PNPLA8: variants seen among roughly 807,000 people sequenced by gnomAD.
The protein encoded by PNPLA8 is calcium-independent phospholipase A2-gamma.
A neutral mutation model predicts 76.9 loss-of-function variants in PNPLA8; 39 were observed. The ratio of observed to expected loss-of-function variants is 0.51; its 90% confidence interval spans 0.39 to 0.66. PNPLA8 has a LOEUF of 0.66. Ranked by LOEUF, PNPLA8 falls within the 30% of genes least tolerant of loss-of-function variation. The pLI, the probability that PNPLA8 is intolerant of heterozygous loss-of-function variation, is 0.00. For missense variants in PNPLA8, 887 were observed against 918.0 expected (o/e 0.97, Z 0.44); for synonymous variants, 301 against 307.9 (o/e 0.98, Z 0.24).
At chr7:108,488,447 C>T (rs916396566) in intron 8 of PNPLA8, among the ~76,000 whole-genome samples, 1 of 152,010 alleles carries the variant, frequency 6.6e-6, no homozygotes, top group African/African-American at 2.4e-5. Flanking sequence ...GACATGATGG[C>T]AGGTGCCTTC....
chr7:108,495,152 T>C (rs748375899), intron 7 of PNPLA8, among the ~76,000 whole-genome samples: 3 of 152,186 alleles, frequency 2.0e-5, no homozygotes, highest in African/African-American at 7.2e-5. Flanking sequence ...AATTCAGCCA[T>C]GTATGTATCA....
intron 2 of PNPLA8, among the ~76,000 whole-genome samples, chr7:108,515,807 C>A (rs1473174201): frequency 6.6e-6 from 1 of 152,128 alleles, no homozygotes; most frequent in Non-Finnish European, 1.5e-5. Flanking sequence ...GGGAGAAGAA[C>A]TAATTTAGGG....
chr7:108,473,395 T>G (rs947951230), intron 10 of PNPLA8, among the ~76,000 whole-genome samples: 1 of 152,184 alleles, frequency 6.6e-6, no homozygotes, highest in Non-Finnish European at 1.5e-5. Flanking sequence ...TAAGTCTTCA[T>G]GTGCATATGA....
intron 7 of PNPLA8, among the ~76,000 whole-genome samples, chr7:108,494,642 CT>C (rs1861429907): frequency 6.6e-6 from 1 of 152,122 alleles, no homozygotes; most frequent in Non-Finnish European, 1.5e-5. Context: ...TTCCATGTAT[CT>C]GCCATTGTGA....
At chr7:108,488,528 C>T (rs1410902318) in intron 8 of PNPLA8, among the ~76,000 whole-genome samples, 21 of 152,266 alleles carry the variant, frequency 1.4e-4, no homozygotes, top group Non-Finnish European at 1.8e-4. Context: ...GCCGAGATCA[C>T]GTCACTGCAC....
At chr7:108,512,737 G>A (rs1316671739) in intron 4 of PNPLA8, among the ~76,000 whole-genome samples, 4 of 152,062 alleles carry the variant, frequency 2.6e-5, no homozygotes, top group Non-Finnish European at 4.4e-5. Flanking sequence ...GATTATTTAA[G>A]GGAAGGGTGA....
intron 4 of PNPLA8, chr7:108,511,001 A>G: frequency 7.2e-7 from 1 of 1,385,306 alleles, no homozygotes; most frequent in Non-Finnish European, 1.0e-6. Flanking sequence ...CTATTTCTCT[A>G]AGCTGGTTGG....
At chr7:108,495,374 CAAA>C (rs986334270) in intron 7 of PNPLA8, among the ~76,000 whole-genome samples, 1 of 152,048 alleles carries the variant, frequency 6.6e-6, no homozygotes, top group Non-Finnish European at 1.5e-5. Flanking sequence ...ATATATGTTT[CAAA>C]AAATATTAAC....
chr7:108,473,491 C>T (rs528350395), intron 10 of PNPLA8, among the ~76,000 whole-genome samples: 5 of 152,290 alleles, frequency 3.3e-5, no homozygotes, highest in African/African-American at 1.2e-4. Context: ...AAACCTGCCA[C>T]ACTGTCTTCC....
intron 8 of PNPLA8, 23 bp from the exon 9 acceptor site, chr7:108,487,976 A>C: frequency 7.1e-7 from 1 of 1,409,392 alleles, no homozygotes; most frequent in Non-Finnish European, 9.9e-7. Context: ...AAAGTGAACA[A>C]TTCCATCATT....
At chr7:108,513,035 T>C (rs1863052603) in intron 4 of PNPLA8, among the ~76,000 whole-genome samples, 1 of 152,164 alleles carries the variant, frequency 6.6e-6, no homozygotes, top group Non-Finnish European at 1.5e-5. Flanking sequence ...GGAACGGGAC[T>C]CTCACCAGAC....
intron 5 of PNPLA8, among the ~76,000 whole-genome samples, chr7:108,497,868 C>T (rs1861656562): frequency 6.6e-6 from 1 of 151,706 alleles, no homozygotes; most frequent in Admixed American, 6.6e-5. Context: ...AACAGTATCT[C>T]TTTAAGAATA....
In PNPLA8 at chr7:108,489,493, CT is replaced by C. The variant is rs368153779; in HGVS notation, c.1684-1541del. On this transcript the variant is annotated intron_variant, in intron 8 of 10. Coordinates refer to ENST00000257694, the MANE Select transcript of PNPLA8 (RefSeq NM_001256007.3). Reference sequence around the variant, plus strand: ...TCCTTAAATTAGCTGGCCCTCATGTCTCTTTAAAAATATGCTTTCAAAGAAC... The same window carrying C: ...TCCTTAAATTAGCTGGCCCTCATGTCCTTTAAAAATATGCTTTCAAAGAAC... Among the ~76,000 whole-genome samples the C allele has an allele frequency of 9.8e-5, 15 of 152,342 alleles. No homozygotes were observed. The East Asian group carries it at 2.9e-3, about 29-fold the overall frequency.
intron 1 of PNPLA8, among the ~76,000 whole-genome samples, chr7:108,523,412 C>T (rs778060415): frequency 4.7e-5 from 7 of 149,558 alleles, no homozygotes; most frequent in Admixed American, 2.7e-4. Flanking sequence ...TAGCTAAAGC[C>T]GGCATCTGGT....
At chr7:108,518,618 G>A (rs1460064060) in intron 2 of PNPLA8, among the ~76,000 whole-genome samples, 1 of 151,138 alleles carries the variant, frequency 6.6e-6, no homozygotes, top group Non-Finnish European at 1.5e-5. Context: ...ATATGGAAAC[G>A]TCTGTACCTT....
At chr7:108,523,367 A>ACCCTTCAGCT in intron 1 of PNPLA8, among the ~76,000 whole-genome samples, 2 of 151,648 alleles carry the variant, frequency 1.3e-5, no homozygotes, top group African/African-American at 4.9e-5. Flanking sequence ...AAAGCTCCTT[A>ACCCTTCAGCT]TCTGAGGAAT....
At position 108,496,628 on chromosome 7, in the gene PNPLA8, C is replaced by T. The variant is rs754672564; in HGVS notation, c.1581G>A (p.Trp527Ter). The change falls in exon 7 of 11, where the codon TGG becomes TGA. Residue 527 changes from tryptophan to a stop codon, truncating the protein, a stop_gained. Transcript: ENST00000257694. LOFTEE classifies it high-confidence loss of function. ...NVIVGTVKMSWSHAFYDSQTW... is the reference protein window; with the variant it reads ...NVIVGTVKMS ...TTTGACTGTCATAAAATGCATGGCT[C>T]CAACTCATTTTTACTGTTCCAACAA... The T allele has an allele frequency of 6.2e-7, 1 of 1,607,882 alleles. No homozygotes were observed. Among genetic ancestry groups the T allele is most frequent in the Non-Finnish European group, 8.5e-7 (1 of 1,177,676 alleles).
rs2154514466 is a variant in PNPLA8 at position 108,470,768 on chromosome 7, AT to A, written c.*1632del. The A allele has an allele frequency of 1.3e-5, 2 of 152,292 alleles. No homozygotes were observed. The highest frequency in any genetic ancestry group is 3.9e-4 in the East Asian group (2 of 5,178). 9.4% of individuals were successfully genotyped at this position (152,292 alleles called of 1,614,324 possible). ...CTATTTTATACTATGTCTAAAGTTT[AT>A]ATAATTCGGATGTTAGAAAATTTTA... On this transcript the variant is annotated 3_prime_UTR_variant, in exon 11 of 11. Transcript: ENST00000257694.
intron 7 of PNPLA8, among the ~76,000 whole-genome samples, chr7:108,494,004 G>A (rs1464598114): frequency 6.6e-6 from 1 of 151,814 alleles, no homozygotes; most frequent in African/African-American, 2.4e-5. Context: ...TTTCAAATAT[G>A]ATAAAGATGA....
Sources: allele counts gnomAD v4.1 joint callset (sites outside exome capture counted in the v4.1 genomes callset), GRCh38; gene constraint gnomAD v4.1.1; transcripts MANE v1.5; gene names NCBI Gene and HGNC (gene_info 2026-07-23, HGNC 2026-07-21).